The following RSBN1 variants were observed in gnomAD, a reference collection of about 807,000 sequenced individuals.
RSBN1 encodes the protein round spermatid basic protein 1, also known as lysine-specific demethylase 9.
Under a neutral mutation model 74.8 loss-of-function variants are expected in RSBN1, and 23 were observed. That is an observed-to-expected ratio of 0.31 (90% CI 0.22 to 0.44). The LOEUF is 0.44. Ranked by LOEUF, RSBN1 falls within the 20% of genes least tolerant of loss-of-function variation. The pLI is 1.00. For missense variants in RSBN1, 808 were observed against 1,020.9 expected, an observed-to-expected ratio of 0.79 and a Z score of 2.84; for synonymous variants, 407 against 379.6, an observed-to-expected ratio of 1.07 and a Z score of -0.84.
chr1:113,775,985 A>C (rs904428022), intron 4 of RSBN1, among the ~76,000 whole-genome samples: 7 of 152,180 alleles, frequency 4.6e-5, no homozygotes, highest in Non-Finnish European at 8.8e-5. Flanking sequence ...ATTAAAACTC[A>C]CTTCTGGGCA....
At chr1:113,772,367 T>C (rs1463866873) in intron 4 of RSBN1, among the ~76,000 whole-genome samples, 1 of 151,972 alleles carries the variant, frequency 6.6e-6, no homozygotes, top group Non-Finnish European at 1.5e-5. Flanking sequence ...ATGCAACTAT[T>C]ATATACACAA....
At chr1:113,783,721 G>C (rs1004826603) in intron 2 of RSBN1, among the ~76,000 whole-genome samples, 1 of 152,072 alleles carries the variant, frequency 6.6e-6, no homozygotes, top group South Asian at 2.1e-4. Flanking sequence ...TTTCTCTTTT[G>C]AGGGCTGCAA....
At chr1:113,803,316 C>T (rs1427928014) in intron 1 of RSBN1, among the ~76,000 whole-genome samples, 1 of 152,182 alleles carries the variant, frequency 6.6e-6, no homozygotes, top group Non-Finnish European at 1.5e-5. Context: ...CACCTATCTA[C>T]AGGTTTTTGT....
chr1:113,783,457 GA>G (rs35426448), intron 2 of RSBN1, among the ~76,000 whole-genome samples: 19,050 of 140,270 alleles, frequency 0.14, 1,315 homozygotes, highest in East Asian at 0.24. Flanking sequence ...AGGCTGACAA[GA>G]AAAAAAAAAA....
chr1:113,770,433 C>A (rs968013916), intron 4 of RSBN1, among the ~76,000 whole-genome samples: 1 of 152,186 alleles, frequency 6.6e-6, no homozygotes, highest in African/African-American at 2.4e-5. Context: ...TCTCGATATA[C>A]AAGACAGACA....
chr1:113,812,119 C>G lies in RSBN1; in HGVS notation c.294G>C (p.Glu98Asp). ...QRRSSSGGSQ[E>D]KRGRPSQEPP... ...GCTCCTGGCTCGGCCGCCCCCGCTT[C>G]TCCTGAGACCCCCCACTGCTAGATC... The change falls in exon 1 of 7, where the codon GAG becomes GAC. Residue 98 changes from glutamate to aspartate, a missense_variant. Coordinates refer to ENST00000261441, the MANE Select transcript of RSBN1 (RefSeq NM_018364.5). The G allele has an allele frequency of 6.2e-7, 1 of 1,604,352 alleles. No individual in the cohort carries two copies. The highest frequency in any genetic ancestry group is 2.2e-5 in the East Asian group (1 of 44,660).
intron 2 of RSBN1, among the ~76,000 whole-genome samples, 181 bp from the exon 3 acceptor site, chr1:113,777,989 T>C (rs997581485): frequency 3.9e-5 from 6 of 152,182 alleles, no homozygotes; most frequent in Non-Finnish European, 7.3e-5. Context: ...CTAATACATA[T>C]GCCACAAGCA....
chr1:113,789,089 G>A (rs1295731994), intron 2 of RSBN1, among the ~76,000 whole-genome samples: 1 of 151,920 alleles, frequency 6.6e-6, no homozygotes, highest in Non-Finnish European at 1.5e-5. Context: ...TGCTAATATT[G>A]ACTAACAGCT....
rs1659684132 is a variant in RSBN1 at position 113,761,855 on chromosome 1, T to A, written c.*4125A>T. 6.6e-6 allele frequency: 1 copy of A among 152,562 alleles called. No individual in the cohort carries two copies. The highest frequency in any genetic ancestry group is 2.4e-5 in the African/African-American group (1 of 41,392). The allele number at this position is 152,562 out of a possible 1,614,324, so 9.5% of individuals were successfully genotyped here. A position where few individuals can be genotyped will look rare whatever the true frequency, so the allele number is the denominator to read the frequency against. On this transcript the variant is annotated 3_prime_UTR_variant, in exon 7 of 7. Transcript: ENST00000261441. ...AGTAAAGGACAAATCAGACTTTTTTTATTAAAAAAATACTTTACAGGAAAA... is the reference window on the plus strand; with the variant it reads ...AGTAAAGGACAAATCAGACTTTTTTAATTAAAAAAATACTTTACAGGAAAA...
Position 113,812,421 on chromosome 1 carries a change from C to A in RSBN1, c.-9G>T. The A allele has an allele frequency of 6.3e-7, 1 of 1,583,618 alleles. No individual in the cohort carries two copies. Among genetic ancestry groups the A allele is most frequent in the South Asian group, 1.1e-5 (1 of 89,682 alleles). On this transcript the variant is annotated 5_prime_UTR_variant, in exon 1 of 7. Transcript: ENST00000261441. ...CGTCCAGAGATGAACATGCCGGAAG[C>A]GGCCGTTCCCAGCTTTTCTCCGCAG...
chr1:113,808,292 T>TTATA (rs1660754099), intron 1 of RSBN1, among the ~76,000 whole-genome samples: 1 of 152,210 alleles, frequency 6.6e-6, no homozygotes, highest in African/African-American at 2.4e-5. Context: ...TCCAGATTAT[T>TTATA]TATACCTAAT....
intron 2 of RSBN1, among the ~76,000 whole-genome samples, chr1:113,783,334 A>G (rs1178082757): frequency 1.3e-5 from 2 of 152,192 alleles, no homozygotes; most frequent in Non-Finnish European, 2.9e-5. Context: ...TATCACTTGC[A>G]TTTAAAAATT....
chr1:113,797,237 A>C (rs1660490046), intron 2 of RSBN1, 126 bp downstream of exon 2: 1 of 787,460 alleles, frequency 1.3e-6, no homozygotes, highest in African/African-American at 1.8e-5. Flanking sequence ...GAGACAAACA[A>C]TTTGAAGCAC....
At chr1:113,779,553 CA>C (rs1001233068) in intron 2 of RSBN1, among the ~76,000 whole-genome samples, 2 of 151,952 alleles carry the variant, frequency 1.3e-5, no homozygotes, top group African/African-American at 4.8e-5. Context: ...CATAAAAAGC[CA>C]GGGGTGGCAG....
intron 1 of RSBN1, among the ~76,000 whole-genome samples, chr1:113,810,218 G>A (rs996238660): frequency 1.2e-4 from 18 of 152,158 alleles, no homozygotes; most frequent in Non-Finnish European, 2.1e-4. Context: ...TGCCTGTTAT[G>A]CCAATATTCA....
intron 2 of RSBN1, among the ~76,000 whole-genome samples, chr1:113,785,337 ATCTG>A (rs1660219800): frequency 6.6e-6 from 1 of 152,272 alleles, no homozygotes; most frequent in East Asian, 1.9e-4. Flanking sequence ...CTCCTGAAAG[ATCTG>A]TCTGAGGGTG....
chr1:113,805,159 A>T (rs933219860), intron 1 of RSBN1, among the ~76,000 whole-genome samples: 14 of 151,974 alleles, frequency 9.2e-5, no homozygotes, highest in Admixed American at 2.6e-4. Flanking sequence ...TCTGTCGACC[A>T]GGCTGGAATG....
At chr1:113,776,394 T>A (rs761036897) in intron 4 of RSBN1, among the ~76,000 whole-genome samples, 14 of 152,210 alleles carry the variant, frequency 9.2e-5, no homozygotes, top group Middle Eastern at 3.4e-3. Context: ...TTTTGTTTGG[T>A]TTTGGTTTGG....
chr1:113,764,382 T>C lies in RSBN1; in HGVS notation c.*1598A>G, dbSNP rs968487712. On this transcript the variant is annotated 3_prime_UTR_variant, in exon 7 of 7. Coordinates refer to ENST00000261441, the MANE Select transcript of RSBN1 (RefSeq NM_018364.5). ...ACATATACATATATATAAGGAATAA[T>C]ACAGATTCTAACTAATCACTGCAGT... 1 of 152,734 alleles carries C rather than the reference T, an allele frequency of 6.5e-6. No homozygotes were observed. The highest frequency in any genetic ancestry group is 1.5e-5 in the Non-Finnish European group (1 of 68,026). 9.5% of individuals were successfully genotyped at this position (152,734 alleles called of 1,614,324 possible). A position where few individuals can be genotyped will look rare whatever the true frequency, so the allele number is the denominator to read the frequency against.
Sources: allele counts gnomAD v4.1 joint callset (sites outside exome capture counted in the v4.1 genomes callset), GRCh38; gene constraint gnomAD v4.1.1; transcripts MANE v1.5; gene names NCBI Gene and HGNC (gene_info 2026-07-23, HGNC 2026-07-21).